The following ALG5 variants were observed in gnomAD, a reference collection of about 807,000 sequenced individuals.
ALG5 encodes dolichyl-phosphate beta-glucosyltransferase.
A neutral mutation model predicts 51.8 loss-of-function variants in ALG5; 26 were observed. That is an observed-to-expected ratio of 0.50 (90% confidence interval 0.37 to 0.70). ALG5 has a LOEUF of 0.70. ALG5 is among the 30% of genes least tolerant of loss of function. The pLI, the probability that ALG5 is intolerant of heterozygous loss-of-function variation, is 0.00. For synonymous variants in ALG5, 141 were observed against 136.1 expected (o/e 1.04, Z -0.25); for missense variants, 311 against 399.3 (o/e 0.78, Z 1.88).
At chr13:36,956,293 C>T (rs1372254691) in intron 8 of ALG5, among the ~76,000 whole-genome samples, 1 of 152,138 alleles carries the variant, frequency 6.6e-6, no homozygotes, top group Non-Finnish European at 1.5e-5. Context: ...ATTAAAGCCC[C>T]TGTCAGAATG....
intron 4 of ALG5, among the ~76,000 whole-genome samples, chr13:36,992,788 C>T (rs995124094): frequency 6.6e-6 from 1 of 152,192 alleles, no homozygotes; most frequent in Admixed American, 6.5e-5. Context: ...AAGACATTAA[C>T]AGGGAATCTA....
intron 8 of ALG5, among the ~76,000 whole-genome samples, chr13:36,958,596 C>A (rs993802836): frequency 6.6e-6 from 1 of 152,090 alleles, no homozygotes; most frequent in African/African-American, 2.4e-5. Flanking sequence ...CAGCAGGAAG[C>A]GGTTAGAGCG....
intron 7 of ALG5, among the ~76,000 whole-genome samples, chr13:36,968,290 ATCT>A (rs1014995371): frequency 3.2e-4 from 48 of 152,212 alleles, no homozygotes; most frequent in African/African-American, 1.1e-3. Context: ...TAACGCTAGT[ATCT>A]TCAATGTTTA....
At chr13:36,997,477 A>G (rs1181123462) in intron 1 of ALG5, among the ~76,000 whole-genome samples, 1 of 151,644 alleles carries the variant, frequency 6.6e-6, no homozygotes, top group Non-Finnish European at 1.5e-5. Context: ...AAAAAAAAAA[A>G]AAAAAAAAAA....
chr13:36,974,796 A>C (rs1321750868), intron 6 of ALG5, among the ~76,000 whole-genome samples: 2 of 152,322 alleles, frequency 1.3e-5, no homozygotes, highest in Non-Finnish European at 1.5e-5. Flanking sequence ...TATAATGTCA[A>C]TCATAGTACC....
chr13:36,984,154 G>A (rs1287657076), intron 6 of ALG5, among the ~76,000 whole-genome samples: 5 of 150,298 alleles, frequency 3.3e-5, no homozygotes, highest in African/African-American at 7.3e-5. Flanking sequence ...GCTGGAGTGC[G>A]GTGGGGCAAT....
chr13:36,991,856 C>T (rs1260276682), intron 4 of ALG5, among the ~76,000 whole-genome samples: 1 of 152,188 alleles, frequency 6.6e-6, no homozygotes, highest in East Asian at 1.9e-4. Context: ...AACTCTTGCG[C>T]TCAAGCAGTC....
chr13:36,995,255 T>C (rs2059043765), intron 2 of ALG5, among the ~76,000 whole-genome samples, 170 bp downstream of exon 2: 1 of 152,188 alleles, frequency 6.6e-6, no homozygotes, highest in Non-Finnish European at 1.5e-5. Context: ...CTCCTATTCA[T>C]GAGAGCAAAT....
In ALG5 at chr13:36,989,416, A is replaced by G. The variant is rs967450438; in HGVS notation, c.447+68T>C. On this transcript the variant is annotated intron_variant, in intron 5 of 9. Coordinates refer to ENST00000239891, the MANE Select transcript of ALG5 (RefSeq NM_013338.5). Reference sequence around the variant, plus strand: ...GTATTCAAGCAGTGGGCAAACATACAAGTCTGCAAAAGACATTATTCAAGA... The same window carrying G: ...GTATTCAAGCAGTGGGCAAACATACGAGTCTGCAAAAGACATTATTCAAGA... The G allele has an allele frequency of 2.5e-5, 30 of 1,197,394 alleles. 1 individual carries two copies. The South Asian group carries it at 3.7e-4, about 15-fold the overall frequency. The allele number at this position is 1,197,394 out of a possible 1,614,324, so 74.2% of individuals were successfully genotyped here. A position where few individuals can be genotyped will look rare whatever the true frequency, so the allele number is the denominator to read the frequency against.
chr13:36,962,589 C>G (rs1010774458), intron 8 of ALG5, among the ~76,000 whole-genome samples: 1 of 152,100 alleles, frequency 6.6e-6, no homozygotes, highest in Non-Finnish European at 1.5e-5. Flanking sequence ...CCTCAGCCTC[C>G]CAAAGTGCTA....
chr13:36,989,763 G>C (rs1191369619), intron 4 of ALG5, among the ~76,000 whole-genome samples, 187 bp from the exon 5 acceptor site: 1 of 152,072 alleles, frequency 6.6e-6, no homozygotes, highest in Non-Finnish European at 1.5e-5. Context: ...GACCTACTAG[G>C]TTGAAATCAT....
At chr13:36,972,725 G>T (rs893662745) in intron 6 of ALG5, among the ~76,000 whole-genome samples, 5 of 152,138 alleles carry the variant, frequency 3.3e-5, no homozygotes, top group Admixed American at 1.3e-4. Flanking sequence ...GGGCGTGGTG[G>T]CTCACGCCTG....
In ALG5 at chr13:36,952,602, A is replaced by G; in HGVS notation, c.774-3T>C. 6.6e-7 allele frequency: 1 copy of G among 1,508,496 alleles called. No individual in the cohort carries two copies. The highest frequency in any genetic ancestry group is 1.3e-5 in the South Asian group (1 of 79,834). The allele number at this position is 1,508,496 out of a possible 1,614,324, so 93.4% of individuals were successfully genotyped here. On this transcript the variant is annotated splice_polypyrimidine_tract_variant and splice_region_variant and intron_variant, in intron 8 of 9. Coordinates refer to ENST00000239891, the MANE Select transcript of ALG5 (RefSeq NM_013338.5). ...ACAGTAGTTCTACATCAAATGCCCT[A>G]AAATAGAAAATATATTGATATTTAT...
intron 4 of ALG5, among the ~76,000 whole-genome samples, chr13:36,990,258 C>A (rs143662748): frequency 6.6e-6 from 1 of 152,198 alleles, no homozygotes; most frequent in African/African-American, 2.4e-5. Context: ...TTTCATCACC[C>A]ATTTATTTTT....
At chr13:36,976,605 G>T (rs529840759) in intron 6 of ALG5, among the ~76,000 whole-genome samples, 2 of 151,702 alleles carry the variant, frequency 1.3e-5, no homozygotes, top group Admixed American at 1.3e-4. Context: ...TAAATTAGCC[G>T]GCTGTGGTTG....
At chr13:36,959,335 T>C (rs1385049528) in intron 8 of ALG5, among the ~76,000 whole-genome samples, 1 of 152,134 alleles carries the variant, frequency 6.6e-6, no homozygotes, top group Non-Finnish European at 1.5e-5. Context: ...CATTTCAAAA[T>C]TGCTAAGATA....
chr13:36,965,783 G>A, intron 7 of ALG5, 57 bp from the exon 8 acceptor site: 1 of 1,474,978 alleles, frequency 6.8e-7, no homozygotes, highest in Non-Finnish European at 9.3e-7. Flanking sequence ...AGGAGACACT[G>A]AAAACACCTG....
At chr13:36,965,453 T>A (rs2138791405) in intron 8 of ALG5, 122 bp downstream of exon 8, 3 of 1,045,664 alleles carry the variant, frequency 2.9e-6, no homozygotes, top group Middle Eastern at 3.3e-4. Context: ...CAAGTTTACA[T>A]ACATTATTGT....
chr13:36,973,037 A>G (rs1263511144), intron 6 of ALG5, among the ~76,000 whole-genome samples: 2 of 151,630 alleles, frequency 1.3e-5, no homozygotes, highest in Non-Finnish European at 2.9e-5. Flanking sequence ...AAAACCAATA[A>G]AAATGCCAAA....
Sources: gnomAD v4.1 joint callset for allele counts (sites outside exome capture counted in the v4.1 genomes callset) on GRCh38, gnomAD v4.1.1 for gene constraint, MANE v1.5 for transcripts, NCBI Gene and HGNC (gene_info 2026-07-23, HGNC 2026-07-21) for gene names.